Variants in UMODL1 observed in about 807,000 individuals in gnomAD.
UMODL1 encodes uromodulin like 1, also known as uromodulin-like 1.
A neutral mutation model predicts 136.3 loss-of-function variants in UMODL1; 128 were observed. The observed-to-expected ratio is 0.94, with a 90% CI of 0.81 to 1.09. The LOEUF (loss-of-function observed/expected upper bound fraction) is 1.09, where lower values mean the gene tolerates loss of function less well. Among genes scored for constraint, UMODL1 ranks in the 50% least tolerant of loss-of-function variants. The probability of loss-of-function intolerance (pLI) is 0.00; values close to 1 mark genes in which losing one functional copy is unlikely to be tolerated. For missense variants in UMODL1, 1,766 were observed against 1,725.6 expected (o/e 1.02, Z -0.41); for synonymous variants, 721 against 720.0 (o/e 1.00, Z -0.02).
At chr21:42,115,359 G>A (rs2066889283) in intron 13 of UMODL1, among the ~76,000 whole-genome samples, 1 of 152,258 alleles carries the variant, frequency 6.6e-6, no homozygotes, top group South Asian at 2.1e-4. Flanking sequence ...GACCAGGGGA[G>A]GTGGGGCTGC....
At chr21:42,102,393 T>C (rs1415927240) in intron 8 of UMODL1, 115 bp downstream of exon 8, 1 of 773,964 alleles carries the variant, frequency 1.3e-6, no homozygotes, top group East Asian at 2.6e-5. Flanking sequence ...AAAATACATG[T>C]TACTGCAGCT....
At chr21:42,136,431 A>G (rs1407610967) in intron 21 of UMODL1, among the ~76,000 whole-genome samples, 1 of 152,160 alleles carries the variant, frequency 6.6e-6, no homozygotes, top group Non-Finnish European at 1.5e-5. Context: ...GGTAGTTCCT[A>G]TGAACAGGGT....
chr21:42,066,626 C>T (rs1210303378), upstream of UMODL1, among the ~76,000 whole-genome samples: 6 of 152,296 alleles, frequency 3.9e-5, no homozygotes, highest in South Asian at 1.0e-3. Context: ...TGCAAAACCA[C>T]CTCCTGTCAT....
chr21:42,104,108 C>T, intron 9 of UMODL1, 21 bp downstream of exon 9: 10 of 1,592,938 alleles, frequency 6.3e-6, no homozygotes, highest in Non-Finnish European at 4.3e-6. Context: ...GCCACCCGCC[C>T]TGCTGCCTGG....
chr21:42,063,573 A>G (rs1437056359), intron 1 of UMODL1, among the ~76,000 whole-genome samples: 1 of 152,032 alleles, frequency 6.6e-6, no homozygotes, highest in Non-Finnish European at 1.5e-5. Flanking sequence ...CCTTAGACCC[A>G]GGAGCCCAGG....
Position 42,096,278 on chromosome 21 carries a change from C to A in UMODL1, c.932-2648C>A, listed in dbSNP as rs542050464. The stretch of plus-strand genomic sequence containing the variant: ...CTTTGGATTAGATGAGATTCTTTTA[C>A]CCCAAATGCTTGCAATCTCTCTTAG... On this transcript the variant is annotated intron_variant, in intron 6 of 22. Transcript: ENST00000408910. Among the ~76,000 whole-genome samples, 11 of 152,222 alleles carry A rather than the reference C, an allele frequency of 7.2e-5. No homozygotes were observed. The South Asian group carries it at 2.3e-3, about 32-fold the overall frequency.
At chr21:42,089,662 C>T (rs977517794) in intron 5 of UMODL1, among the ~76,000 whole-genome samples, 1 of 152,230 alleles carries the variant, frequency 6.6e-6, no homozygotes, top group Non-Finnish European at 1.5e-5. Context: ...ATGGAGGCAA[C>T]TCCACGACTG....
At position 42,110,931 on chromosome 21, in the gene UMODL1, C is replaced by A; in HGVS notation, c.1709C>A (p.Thr570Lys). 1 of 1,612,750 alleles carries A rather than the reference C, an allele frequency of 6.2e-7. No homozygotes were observed. The highest frequency in any genetic ancestry group is 1.1e-5 in the South Asian group (1 of 90,630). ...GGACTGTCTGCGGCAACAGGGGTAA[C>A]GGTCCCAGGTCTTGGCACGGGAACA... ...GGGLSAATGV[T>K]VPGLGTGTAA... is the part of the protein sequence containing the mutation. The change falls in exon 11 of 23, where the codon ACG becomes AAG. Residue 570 changes from threonine (T) to lysine (K), a missense_variant. By Grantham distance (78) the Thr-to-Lys change is moderately conservative. Coordinates refer to ENST00000408910, the MANE Select transcript of UMODL1 (RefSeq NM_001004416.3).
rs144777294 is a variant in UMODL1, at chr21:42,114,352, C to A, written c.2362+522C>A. On this transcript the variant is annotated intron_variant, in intron 13 of 22. Transcript: ENST00000408910. The stretch of plus-strand genomic sequence containing the variant: ...TTCCAGCTGGACAGTGACAATATTA[C>A]ACATATTTGGATGAAATTCCTCTTT... Among the ~76,000 whole-genome samples, 21 of 152,362 alleles carry A rather than the reference C, an allele frequency of 1.4e-4. No homozygotes were observed. In the East Asian group the frequency reaches 3.3e-3, roughly 24 times the overall value.
In UMODL1 at chr21:42,116,496, C is replaced by T. The variant is rs573478690; in HGVS notation, c.2475+511C>T. On this transcript the variant is annotated intron_variant, in intron 14 of 22. Coordinates refer to ENST00000408910, the MANE Select transcript of UMODL1 (RefSeq NM_001004416.3). The stretch of plus-strand genomic sequence containing the variant: ...CCCTGGATCTGCCCCGGCGAAGACA[C>T]GGTTAGCAGACAGGAGGCACAACTC... Among the ~76,000 whole-genome samples, 23 of 152,318 alleles carry T rather than the reference C, an allele frequency of 1.5e-4. No individual in the cohort carries two copies. In the South Asian group the frequency reaches 1.7e-3, roughly 11 times the overall value.
chr21:42,088,417 G>C lies in UMODL1; in HGVS notation c.727G>C (p.Val243Leu), dbSNP rs368413608. 6.2e-7 allele frequency: 1 copy of C among 1,613,982 alleles called. No individual in the cohort carries two copies. Among genetic ancestry groups the C allele is most frequent in the African/African-American group, 1.3e-5 (1 of 75,042 alleles). ...GLPRPLPVAD[V>L]STLLGDIAKR... ...GCCACGGCCACTGCCTGTGGCTGAC[G>C]TCTCCACCCTGCTGGGTGACATTGC... The change falls in exon 5 of 23, where the codon GTC (valine) becomes CTC (leucine). Residue 243 changes from valine to leucine, a missense_variant. Physicochemically the swap from Val to Leu is conservative, Grantham distance 32. Transcript: ENST00000408910.
upstream of UMODL1, among the ~76,000 whole-genome samples, chr21:42,067,448 A>G (rs191776448): frequency 2.3e-3 from 347 of 152,342 alleles, no homozygotes; most frequent in African/African-American, 7.9e-3. Flanking sequence ...AGGCATCACT[A>G]TTCCCTTTTG....
chr21:42,068,395 G>T (rs1439044810), upstream of UMODL1, among the ~76,000 whole-genome samples: 2 of 152,150 alleles, frequency 1.3e-5, no homozygotes, highest in Non-Finnish European at 2.9e-5. This position sits in a 1 kb window ranked among gnomAD's most constrained non-coding sequence, Gnocchi z 5.5. Flanking sequence ...CGAGAAACAG[G>T]GTGTTAAGTC....
At chr21:42,065,569 G>T (rs150801) in intron 1 of UMODL1, among the ~76,000 whole-genome samples, 67,542 of 148,604 alleles carry the variant, frequency 0.45, 15,826 homozygotes, top group Admixed American at 0.6. Context: ...GCGGAGTCTC[G>T]CTCTGTCACC....
chr21:42,113,953 C>T lies in UMODL1; in HGVS notation c.2362+123C>T, dbSNP rs113130333. 1,393 of 1,352,854 alleles carry T rather than the reference C, an allele frequency of 1.0e-3. 16 individuals carry two copies. The African/African-American group carries it at 0.018, about 18-fold the overall frequency. The allele number at this position is 1,352,854 out of a possible 1,614,324, so 83.8% of individuals were successfully genotyped here. On this transcript the variant is annotated intron_variant, in intron 13 of 22. Coordinates refer to ENST00000408910, the MANE Select transcript of UMODL1 (RefSeq NM_001004416.3). ...TGCTAGGTGTCATTGTTCTTCTCAG[C>T]TTAGGGACATCCGGCTGGCTTCAGC...
At chr21:42,108,071 T>C (rs1017073656) in intron 9 of UMODL1, among the ~76,000 whole-genome samples, 4 of 152,356 alleles carry the variant, frequency 2.6e-5, no homozygotes, top group African/African-American at 7.2e-5. Flanking sequence ...CAAGGCTTAA[T>C]GCAAGACTAA....
intron 1 of UMODL1, 63 bp downstream of exon 1, chr21:42,071,455 A>G: frequency 2.8e-6 from 4 of 1,451,046 alleles, no homozygotes; most frequent in Non-Finnish European, 2.7e-6. Context: ...CATGGGTCTC[A>G]TGAGGACAGC....
rs1394562608 is a variant in UMODL1, at chr21:42,085,140, C to T, written c.482-151C>T. On this transcript the variant is annotated intron_variant, in intron 3 of 22. Coordinates refer to ENST00000408910, the MANE Select transcript of UMODL1 (RefSeq NM_001004416.3). This position sits in a 1 kb window ranked among gnomAD's most constrained non-coding sequence, Gnocchi z 4.5. ...GGGCAGTGAGGACATCCCCCGTCTCCTGTGGTAGATGTCTTTTTGCAGGGA... is the reference window on the plus strand; with the variant it reads ...GGGCAGTGAGGACATCCCCCGTCTCTTGTGGTAGATGTCTTTTTGCAGGGA... 1.0e-6 allele frequency: 1 copy of T among 960,832 alleles called. No individual in the cohort carries two copies. The highest frequency in any genetic ancestry group is 1.5e-6 in the Non-Finnish European group (1 of 656,074). The allele number at this position is 960,832 out of a possible 1,614,324, so 59.5% of individuals were successfully genotyped here.
chr21:42,141,480 G>A (rs912546930), intron 22 of UMODL1, among the ~76,000 whole-genome samples: 2 of 152,180 alleles, frequency 1.3e-5, no homozygotes, highest in Admixed American at 6.5e-5. Context: ...TTTAAGATGC[G>A]AATCCCAGCG....
Sources: allele counts gnomAD v4.1 joint callset (sites outside exome capture counted in the v4.1 genomes callset), GRCh38; gene constraint gnomAD v4.1.1; non-coding constraint Gnocchi (gnomAD v3.1); transcripts MANE v1.5; gene names NCBI Gene and HGNC (gene_info 2026-07-23, HGNC 2026-07-21).